The following CACNA1D variants were observed in gnomAD, a reference collection of about 807,000 sequenced individuals.
CACNA1D encodes calcium voltage-gated channel subunit alpha1 D.
In CACNA1D, 55 loss-of-function variants were observed where a neutral mutation model predicts 257.1. That is an observed-to-expected ratio of 0.21 (90% CI 0.17 to 0.27). CACNA1D has a LOEUF of 0.27. CACNA1D is among the 10% of genes least tolerant of loss of function. The probability of loss-of-function intolerance (pLI) is 1.00; values close to 1 mark genes in which losing one functional copy is unlikely to be tolerated. For synonymous variants in CACNA1D, 980 were observed against 1,014.9 expected (o/e 0.97, Z 0.65); for missense variants, 1,876 against 2,784.0 (o/e 0.67, Z 7.34).
intron 3 of CACNA1D, among the ~76,000 whole-genome samples, chr3:53,646,271 G>A (rs991833505): frequency 6.6e-6 from 1 of 152,196 alleles, no homozygotes; most frequent in Non-Finnish European, 1.5e-5. Flanking sequence ...GGATAGCAGG[G>A]GAGGCCAGGT....
chr3:53,538,145 T>G lies in CACNA1D; in HGVS notation c.483+36425T>G, dbSNP rs201857330. On this transcript the variant is annotated intron_variant, in intron 3 of 47. Transcript: ENST00000350061. ...CCATATTTACCAGTTTTTGAAGTTT[T>G]TTTTTTTTTTTTTTTTTTTTTTGAC... 1.2e-3 allele frequency among the ~76,000 whole-genome samples: 104 copies of G among 88,332 alleles called. 3 individuals carry two copies. In the East Asian group the frequency reaches 0.025, roughly 21 times the overall value. The allele number at this position is 88,332 out of a possible 152,430, so 57.9% of individuals were successfully genotyped here. A position where few individuals can be genotyped will look rare whatever the true frequency, so the allele number is the denominator to read the frequency against.
rs2094841073 is a variant in CACNA1D, at chr3:53,718,215, C to T, written c.1391-86C>T. 2.6e-6 allele frequency: 3 copies of T among 1,160,422 alleles called. No individual in the cohort carries two copies. The Admixed American group carries it at 5.1e-5, about 20-fold the overall frequency. The allele number at this position is 1,160,422 out of a possible 1,614,324, so 71.9% of individuals were successfully genotyped here. On this transcript the variant is annotated intron_variant, in intron 9 of 47. Coordinates refer to ENST00000350061, the MANE Select transcript of CACNA1D (RefSeq NM_001128840.3). ...CCTCCTCCTGGGTTCCGGAGGTCTG[C>T]CTGGTGGCAGAGGCTCCCACCTGGC...
At chr3:53,591,992 T>G (rs947264853) in intron 3 of CACNA1D, among the ~76,000 whole-genome samples, 1 of 152,216 alleles carries the variant, frequency 6.6e-6, no homozygotes, top group Non-Finnish European at 1.5e-5. Context: ...ACCTTGATTC[T>G]TCTGTACGCT....
chr3:53,679,937 G>C (rs2094413648), intron 8 of CACNA1D, among the ~76,000 whole-genome samples: 1 of 152,194 alleles, frequency 6.6e-6, no homozygotes, highest in Non-Finnish European at 1.5e-5. Context: ...GGCTTTAAAT[G>C]AGAGTGCTAA....
chr3:53,775,814 T>C, intron 34 of CACNA1D, 72 bp from the exon 35 acceptor site: 1 of 1,449,438 alleles, frequency 6.9e-7, no homozygotes, highest in East Asian at 2.3e-5. Context: ...TATGAGTTTT[T>C]CTCCCCTAAG....
chr3:53,555,541 G>A (rs2092628971), intron 3 of CACNA1D, among the ~76,000 whole-genome samples: 1 of 146,792 alleles, frequency 6.8e-6, no homozygotes, highest in Admixed American at 6.9e-5. Flanking sequence ...ATAAAAGAGA[G>A]ATCTAGGACT....
intron 8 of CACNA1D, among the ~76,000 whole-genome samples, chr3:53,695,095 G>T (rs1423730893): frequency 6.6e-6 from 1 of 152,176 alleles, no homozygotes; most frequent in Non-Finnish European, 1.5e-5. Flanking sequence ...TGGCTGCCAG[G>T]TCCAAGAGCG....
chr3:53,688,568 GTCC>G, intron 8 of CACNA1D, among the ~76,000 whole-genome samples: 1 of 152,314 alleles, frequency 6.6e-6, no homozygotes, highest in African/African-American at 2.4e-5. Flanking sequence ...GCCTGGTTGT[GTCC>G]TCCTCCTCGG....
chr3:53,622,603 A>C (rs2093708714), intron 3 of CACNA1D, among the ~76,000 whole-genome samples: 1 of 152,068 alleles, frequency 6.6e-6, no homozygotes, highest in Non-Finnish European at 1.5e-5. Context: ...GCAACAACAC[A>C]CACTGGGTCC....
At chr3:53,515,571 T>C (rs1419479775) in intron 3 of CACNA1D, among the ~76,000 whole-genome samples, 2 of 152,146 alleles carry the variant, frequency 1.3e-5, no homozygotes, top group Non-Finnish European at 2.9e-5. Context: ...GCAGCAGAAT[T>C]AGGATGTGGA....
chr3:53,706,307 A>G (rs2094688624), intron 9 of CACNA1D, among the ~76,000 whole-genome samples: 1 of 152,226 alleles, frequency 6.6e-6, no homozygotes, highest in South Asian at 2.1e-4. Flanking sequence ...AAGTGGGTGT[A>G]GGAAGTCATT....
At position 53,665,695 on chromosome 3, in the gene CACNA1D, A is replaced by G. The variant is rs559494756; in HGVS notation, c.802A>G (p.Met268Val). Residue 268 changes from methionine (M) to valine (V), a missense_variant, in exon 6 of 48, where the codon ATG (methionine) becomes GTG (valine). By Grantham distance (21) the Met-to-Val change is conservative (BLOSUM62 1). This residue lies in a region of CACNA1D where 188 missense variants were observed against 390.4 expected (regional missense o/e 0.48). Transcript: ENST00000350061. ...QVVLNSIIKAMVPLLHIALLV... is the reference protein window; with the variant it reads ...QVVLNSIIKAVVPLLHIALLV... ...TGTCCTGAACTCCATTATAAAAGCCATGGTTCCCCTCCTTCACATAGCCCT... is the reference window on the plus strand; with the variant it reads ...TGTCCTGAACTCCATTATAAAAGCCGTGGTTCCCCTCCTTCACATAGCCCT... 1 of 1,612,192 alleles carries G rather than the reference A, an allele frequency of 6.2e-7. No individual in the cohort carries two copies. Among genetic ancestry groups the G allele is most frequent in the African/African-American group, 1.3e-5 (1 of 74,978 alleles).
chr3:53,800,879 G>T lies in CACNA1D; in HGVS notation c.5041-179G>T. 6 of 660,162 alleles carry T rather than the reference G, an allele frequency of 9.1e-6. No homozygotes were observed. Among genetic ancestry groups the T allele is most frequent in the Admixed American group, 2.4e-5 (1 of 42,510 alleles). The allele number at this position is 660,162 out of a possible 1,614,324, so 40.9% of individuals were successfully genotyped here. A position where few individuals can be genotyped will look rare whatever the true frequency, so the allele number is the denominator to read the frequency against. ...AAATCGGTAACCTTCCTCATCTCGGGGGGACCAACTGCCACACAGTCACAT... is the reference window on the plus strand; with the variant it reads ...AAATCGGTAACCTTCCTCATCTCGGTGGGACCAACTGCCACACAGTCACAT... On this transcript the variant is annotated intron_variant, in intron 41 of 47. Coordinates refer to ENST00000350061, the MANE Select transcript of CACNA1D (RefSeq NM_001128840.3). The surrounding 1 kb of genome is among the most constrained non-coding windows in gnomAD (Gnocchi z 4.3).
At position 53,789,109 on chromosome 3, in the gene CACNA1D, G is replaced by A. The variant is rs569041810; in HGVS notation, c.4923+2157G>A. Among the ~76,000 whole-genome samples, 1 of 152,286 alleles carries A rather than the reference G, an allele frequency of 6.6e-6. No individual in the cohort carries two copies. The highest frequency in any genetic ancestry group is 2.1e-4 in the South Asian group (1 of 4,822). ...TGGGTTAAAAGACTCTTTTTGTGTT[G>A]CAATAATGTTGAGGGTTTCTCCTAA... On this transcript the variant is annotated intron_variant, in intron 40 of 47. Coordinates refer to ENST00000350061, the MANE Select transcript of CACNA1D (RefSeq NM_001128840.3). This position sits in a 1 kb window ranked among gnomAD's most constrained non-coding sequence, Gnocchi z 4.2.
At chr3:53,714,810 C>T (rs1196063978) in intron 9 of CACNA1D, among the ~76,000 whole-genome samples, 1 of 152,132 alleles carries the variant, frequency 6.6e-6, no homozygotes, top group Non-Finnish European at 1.5e-5. Context: ...AGTTTGCTCA[C>T]GTATTCTCAG....
chr3:53,665,747 A>G lies in CACNA1D; in HGVS notation c.854A>G (p.Tyr285Cys). The G allele has an allele frequency of 6.2e-7, 1 of 1,607,508 alleles. No homozygotes were observed. Among genetic ancestry groups the G allele is most frequent in the Non-Finnish European group, 8.5e-7 (1 of 1,174,156 alleles). The change falls in exon 6 of 48, where the codon TAT (tyrosine) becomes TGT (cysteine). Residue 285 changes from tyrosine to cysteine, a missense_variant. Tyr to Cys is a radical substitution (Grantham distance 194). Transcript: ENST00000350061. ...ALLVLFVIIIYAIIGLELFIG... is the reference protein window; with the variant it reads ...ALLVLFVIIICAIIGLELFIG... ...TTGGTATTATTTGTAATCATAATCT[A>G]TGCTATTATAGGATTGGAACTTTTT...
chr3:53,498,037 G>C (rs1039594547), intron 2 of CACNA1D, among the ~76,000 whole-genome samples: 2 of 152,166 alleles, frequency 1.3e-5, no homozygotes, highest in African/African-American at 4.8e-5. Flanking sequence ...CCTAGGGAGA[G>C]ATTACTTTTG....
At chr3:53,645,606 G>A (rs2094010597) in intron 3 of CACNA1D, among the ~76,000 whole-genome samples, 1 of 152,162 alleles carries the variant, frequency 6.6e-6, no homozygotes, top group South Asian at 2.1e-4. Context: ...TGGCACCTCT[G>A]TCAAAGATCA....
In CACNA1D at chr3:53,495,270, C is replaced by G. The variant is rs771945032; in HGVS notation, c.67+37C>G. The G allele has an allele frequency of 1.2e-6, 2 of 1,612,564 alleles. No individual in the cohort carries two copies. The highest frequency in any genetic ancestry group is 1.3e-5 in the African/African-American group (1 of 74,876). On this transcript the variant is annotated intron_variant, in intron 1 of 47. Coordinates refer to ENST00000350061, the MANE Select transcript of CACNA1D (RefSeq NM_001128840.3). This position sits in a 1 kb window ranked among gnomAD's most constrained non-coding sequence, Gnocchi z 5.1. ...GAGCCCGGGCACCCGCTGCCAAATC[C>G]GATCCTGTCATGGTCCTCCAGCCCC... is the stretch of plus-strand genomic sequence containing the variant.
Sources: allele counts gnomAD v4.1 joint callset (sites outside exome capture counted in the v4.1 genomes callset), GRCh38; gene constraint gnomAD v4.1.1; regional missense constraint gnomAD v4.1.1; non-coding constraint Gnocchi (gnomAD v3.1); transcripts MANE v1.5; gene names NCBI Gene and HGNC (gene_info 2026-07-23, HGNC 2026-07-21).